Variants in GARNL3 observed in about 807,000 individuals in gnomAD.
The protein encoded by GARNL3 is GTPase activating Rap/RanGAP domain like 3.
A neutral mutation model predicts 125.0 loss-of-function variants in GARNL3; 63 were observed. That is an observed-to-expected ratio of 0.50 (90% confidence interval 0.41 to 0.62). The LOEUF is 0.62. Ranked by LOEUF, GARNL3 falls within the 20% of genes least tolerant of loss-of-function variation. The probability of loss-of-function intolerance (pLI) is 0.00; values close to 1 mark genes in which losing one functional copy is unlikely to be tolerated. For missense variants in GARNL3, 994 were observed against 1,244.0 expected, an observed-to-expected ratio of 0.80 and a Z score of 3.02; for synonymous variants, 439 against 457.5, an observed-to-expected ratio of 0.96 and a Z score of 0.52.
intron 7 of GARNL3, among the ~76,000 whole-genome samples, chr9:127,328,879 G>A (rs984554772): frequency 6.6e-6 from 1 of 152,138 alleles, no homozygotes; most frequent in Admixed American, 6.5e-5. Context: ...ATCCAAGCAG[G>A]AATGACAGAT....
chr9:127,384,491 A>T lies in GARNL3; in HGVS notation c.2270-536A>T, dbSNP rs373283247. ...GGGGCCAGCCCTTAACAAATAACTC[A>T]GCAAACCCCTTGATGCCGAGGGACA... On this transcript the variant is annotated intron_variant, in intron 23 of 27. Transcript: ENST00000373387. The surrounding 1 kb of genome is among the most constrained non-coding windows in gnomAD (Gnocchi z 4.0). Among the ~76,000 whole-genome samples the T allele has an allele frequency of 1.8e-4, 27 of 152,200 alleles. 2 individuals carry two copies. The highest frequency in any genetic ancestry group is 1.5e-3 in the East Asian group (8 of 5,178).
chr9:127,251,391 T>A (rs1168267248), intron 2 of GARNL3, among the ~76,000 whole-genome samples: 1 of 151,966 alleles, frequency 6.6e-6, no homozygotes, highest in African/African-American at 2.4e-5. Flanking sequence ...GATTTCATAG[T>A]TTTTTTTGTT....
At chr9:127,292,729 G>A (rs181896323) in intron 2 of GARNL3, among the ~76,000 whole-genome samples, 82 of 152,334 alleles carry the variant, frequency 5.4e-4, no homozygotes, top group African/African-American at 1.9e-3. Context: ...ACACTTGGCA[G>A]TCAAACACTG....
At position 127,264,852 on chromosome 9, in the gene GARNL3, C is replaced by A. The variant is rs768122875; in HGVS notation, c.-26C>A. On this transcript the variant is annotated 5_prime_UTR_variant, in exon 1 of 28. The change creates a new upstream start codon in the 5' untranslated region. Coordinates refer to ENST00000373387, the MANE Select transcript of GARNL3 (RefSeq NM_032293.5). ...AGTGAGGAGCCGGGGCACTGCAAGT[C>A]TGTTCCATAGCAGCCCTTTTTGCAA... 1.9e-6 allele frequency: 3 copies of A among 1,542,156 alleles called. No homozygotes were observed. The highest frequency in any genetic ancestry group is 1.4e-5 in the African/African-American group (1 of 72,932).
chr9:127,263,769 A>C, upstream of GARNL3: 1 of 1,226,528 alleles, frequency 8.2e-7, no homozygotes, highest in South Asian at 3.8e-5. Context: ...AAAAGGTTAA[A>C]TTTCTCATAT....
intron 22 of GARNL3, among the ~76,000 whole-genome samples, chr9:127,380,897 T>A (rs929258773): frequency 4.6e-5 from 7 of 152,220 alleles, no homozygotes; most frequent in African/African-American, 1.4e-4. Context: ...ATTTTATTTT[T>A]TTGAGACAGT....
intron 25 of GARNL3, among the ~76,000 whole-genome samples, chr9:127,387,741 T>TCAAAAAA (rs1832620758): frequency 9.6e-6 from 1 of 104,620 alleles, no homozygotes; most frequent in African/African-American, 4.1e-5. Context: ...AGACTCTGTC[T>TCAAAAAA]ACAAAAAAAA....
At chr9:127,227,633 T>C (rs1431414036) in intron 1 of GARNL3, among the ~76,000 whole-genome samples, 2 of 149,648 alleles carry the variant, frequency 1.3e-5, no homozygotes, top group East Asian at 4.0e-4. Flanking sequence ...AAAACCTAAT[T>C]TGTGGCTGGG....
chr9:127,231,044 ATATATATTTTTTTT>A (rs1564835282), intron 1 of GARNL3, among the ~76,000 whole-genome samples: 1 of 47,534 alleles, frequency 2.1e-5, no homozygotes, highest in Non-Finnish European at 3.7e-5. Flanking sequence ...ACATATATAT[ATATATATTTTTTTT>A]TTTTTTTTTT....
intron 22 of GARNL3, among the ~76,000 whole-genome samples, chr9:127,366,174 G>T (rs529317622): frequency 1.3e-5 from 2 of 152,316 alleles, no homozygotes; most frequent in East Asian, 3.9e-4. Flanking sequence ...TGGGTCAGAT[G>T]TTTTGATTAA....
At position 127,277,380 on chromosome 9, in the gene GARNL3, T is replaced by G. The variant is rs1004041913; in HGVS notation, c.144+12359T>G. On this transcript the variant is annotated intron_variant, in intron 1 of 27. Transcript: ENST00000373387. Reference sequence around the variant, plus strand: ...TCCCTGACTTCTCAAAAATTCCATTTAACAAATTCTTGATAAGATTACATC... The same window carrying G: ...TCCCTGACTTCTCAAAAATTCCATTGAACAAATTCTTGATAAGATTACATC... Among the ~76,000 whole-genome samples, 3 of 150,740 alleles carry G rather than the reference T, an allele frequency of 2.0e-5. No homozygotes were observed. In the South Asian group the frequency reaches 6.4e-4, roughly 32 times the overall value.
At chr9:127,312,752 G>A (rs1442866738) in intron 3 of GARNL3, among the ~76,000 whole-genome samples, 1 of 152,198 alleles carries the variant, frequency 6.6e-6, no homozygotes, top group Admixed American at 6.5e-5. Flanking sequence ...GCCAGGCAAA[G>A]TTTATTGGTG....
intron 15 of GARNL3, 140 bp downstream of exon 15, chr9:127,344,479 C>G: frequency 1.5e-6 from 1 of 657,214 alleles, no homozygotes. Context: ...GTGGCAACCA[C>G]GAGTGAGATT....
rs1831185137 is a variant in GARNL3, at chr9:127,364,644, C to T, written c.2095-656C>T. The T allele has an allele frequency of 6.6e-6, 1 of 152,344 alleles. No individual in the cohort carries two copies. The highest frequency in any genetic ancestry group is 2.4e-5 in the African/African-American group (1 of 41,452). The allele number at this position is 152,344 out of a possible 1,614,324, so 9.4% of individuals were successfully genotyped here. On this transcript the variant is annotated intron_variant, in intron 21 of 27. Coordinates refer to ENST00000373387, the MANE Select transcript of GARNL3 (RefSeq NM_032293.5). The surrounding 1 kb of genome is among the most constrained non-coding windows in gnomAD (Gnocchi z 4.2). ...CAGACCACGGAACTAGGTGTTCTGA[C>T]ACCCTTTTCATTGCACCATGCTGCC...
chr9:127,275,111 G>GTAC (rs1452097828), intron 1 of GARNL3, among the ~76,000 whole-genome samples: 1 of 152,156 alleles, frequency 6.6e-6, no homozygotes, highest in Non-Finnish European at 1.5e-5. Flanking sequence ...ATACCTTTAT[G>GTAC]TACTGCTCTT....
At chr9:127,268,574 A>G (rs1416937548) in intron 1 of GARNL3, among the ~76,000 whole-genome samples, 2 of 152,246 alleles carry the variant, frequency 1.3e-5, no homozygotes, top group African/African-American at 4.8e-5. Context: ...CAGACAGAAC[A>G]TAAACTTTGC....
chr9:127,382,004 TGTTA>T (rs1181797796), intron 22 of GARNL3, among the ~76,000 whole-genome samples: 1 of 152,152 alleles, frequency 6.6e-6, no homozygotes, highest in Non-Finnish European at 1.5e-5. Context: ...TTCTTTATGA[TGTTA>T]ATAAAAATTC....
At chr9:127,355,582 C>A (rs58473776) in intron 20 of GARNL3, 110 bp downstream of exon 20, 313,740 of 955,196 alleles carry the variant, frequency 0.33, 55,728 homozygotes, top group Middle Eastern at 0.43. Flanking sequence ...TGTTTAGTAG[C>A]CAACTAGGGA....
chr9:127,368,607 A>G (rs1042704985), intron 22 of GARNL3, among the ~76,000 whole-genome samples: 1 of 149,674 alleles, frequency 6.7e-6, no homozygotes, highest in East Asian at 2.1e-4. Context: ...CTGGGATTAC[A>G]GGCGTGAACC....
Sources: gnomAD v4.1 joint callset for allele counts (sites outside exome capture counted in the v4.1 genomes callset) on GRCh38, gnomAD v4.1.1 for gene constraint, Gnocchi (gnomAD v3.1) non-coding constraint, MANE v1.5 for transcripts, NCBI Gene and HGNC (gene_info 2026-07-23, HGNC 2026-07-21) for gene names.